CDK13: variants seen among roughly 807,000 people sequenced by gnomAD.
CDK13 encodes the protein cyclin dependent kinase 13, also known as cyclin-dependent kinase 13.
Under a neutral mutation model 137.6 loss-of-function variants are expected in CDK13, and 40 were observed. That is an observed-to-expected ratio of 0.29 (90% CI 0.23 to 0.38). The LOEUF is 0.38. CDK13 is among the 10% of genes least tolerant of loss of function. CDK13 has a pLI of 1.00. For synonymous variants in CDK13, 869 were observed against 760.1 expected (o/e 1.14, Z -2.36); for missense variants, 1,704 against 1,951.8 (o/e 0.87, Z 2.39).
intron 5 of CDK13, among the ~76,000 whole-genome samples, chr7:40,011,148 T>G (rs1046459024): frequency 2.0e-5 from 3 of 152,216 alleles, no homozygotes; most frequent in Non-Finnish European, 2.9e-5. Flanking sequence ...ATTCTGAGAT[T>G]CATATGCAAA....
intron 12 of CDK13, among the ~76,000 whole-genome samples, chr7:40,091,161 C>T (rs1189863948): frequency 1.3e-4 from 20 of 151,752 alleles, no homozygotes; most frequent in Admixed American, 1.1e-3. Context: ...CTGGCTAACA[C>T]GGTGAAATCC....
Position 39,987,712 on chromosome 7 carries a change from C to A in CDK13, c.1325C>A (p.Thr442Lys), listed in dbSNP as rs2116263500. Residue 442 changes from threonine to lysine, a missense_variant, in exon 2 of 14, where the codon ACA becomes AAA. Physicochemically the swap from Thr to Lys is moderately conservative, Grantham distance 78. Coordinates refer to ENST00000181839, the MANE Select transcript of CDK13 (RefSeq NM_003718.5). ...CGTCATTCTAGTATTTCTCCTAGCACACTAACTCTGAAGAGTAGCCTGGCA... is the reference window on the plus strand; with the variant it reads ...CGTCATTCTAGTATTTCTCCTAGCAAACTAACTCTGAAGAGTAGCCTGGCA... ...RSRHSSISPS[T>K]LTLKSSLAAE... 6.2e-7 allele frequency: 1 copy of A among 1,614,058 alleles called. No individual in the cohort carries two copies. The highest frequency in any genetic ancestry group is 8.5e-7 in the Non-Finnish European group (1 of 1,180,022).
chr7:40,042,477 C>CT lies in CDK13; in HGVS notation c.2354-3337dup, dbSNP rs5883713. 4.1e-3 allele frequency among the ~76,000 whole-genome samples: 309 copies of CT among 76,114 alleles called. 8 individuals are homozygous for CT. The highest frequency in any genetic ancestry group is 0.02 in the East Asian group (57 of 2,886). 49.9% of individuals were successfully genotyped at this position (76,114 alleles called of 152,430 possible). A position where few individuals can be genotyped will look rare whatever the true frequency, so the allele number is the denominator to read the frequency against. On this transcript the variant is annotated intron_variant, in intron 5 of 13. Transcript: ENST00000181839. ...TCCAGTTTGTCCTTTTCTTTTCTTT[C>CT]TTTTTTTTTTTTTTTTTTTTTTGAC... is the stretch of plus-strand genomic sequence containing the variant.
chr7:40,044,744 C>G (rs1686637293), intron 5 of CDK13, among the ~76,000 whole-genome samples: 1 of 152,192 alleles, frequency 6.6e-6, no homozygotes, highest in South Asian at 2.1e-4. Context: ...TCATGCCATT[C>G]TCCTGCCTCA....
chr7:39,951,698 C>G lies in CDK13; in HGVS notation c.1057C>G (p.Arg353Gly), dbSNP rs759568344. 1 of 1,466,072 alleles carries G rather than the reference C, an allele frequency of 6.8e-7. No homozygotes were observed. Among genetic ancestry groups the G allele is most frequent in the Admixed American group, 2.6e-5 (1 of 38,988 alleles). The allele number at this position is 1,466,072 out of a possible 1,614,324, so 90.8% of individuals were successfully genotyped here. ...AGGAGGTGGCAGCAGCCCCTATTCT[C>G]GGCGGCTGCCGCGCTCCCCGAGCCC... ...PAGGGSSPYS[R>G]RLPRSPSPYS... Residue 353 changes from arginine to glycine, a missense_variant, in exon 1 of 14, where the codon CGG (arginine) becomes GGG (glycine). Physicochemically the swap from Arg to Gly is moderately radical, Grantham distance 125 (BLOSUM62 -2). Transcript: ENST00000181839.
At chr7:40,041,842 GTTTTT>G (rs1173294601) in intron 5 of CDK13, among the ~76,000 whole-genome samples, 1 of 152,048 alleles carries the variant, frequency 6.6e-6, no homozygotes, top group Non-Finnish European at 1.5e-5. Flanking sequence ...ATATTGTTTT[GTTTTT>G]AAGTGTTTTA....
intron 5 of CDK13, among the ~76,000 whole-genome samples, chr7:40,013,773 CA>C (rs1784944901): frequency 6.6e-6 from 1 of 151,984 alleles, no homozygotes; most frequent in African/African-American, 2.4e-5. Context: ...AATTATATCT[CA>C]ATAAAGCTGT....
At chr7:40,072,087 A>G (rs140024115) in intron 9 of CDK13, 157 of 152,322 alleles carry the variant, frequency 1.0e-3, no homozygotes, top group African/African-American at 3.5e-3. Context: ...TACATACTCA[A>G]ATATCAGAAT....
chr7:40,070,201 C>G (rs1786383140), intron 9 of CDK13: 1 of 152,020 alleles, frequency 6.6e-6, no homozygotes, highest in African/African-American at 2.4e-5. Context: ...GATGGCGCCA[C>G]TGCACTCCAG....
chr7:39,972,392 A>C (rs540519818), intron 1 of CDK13, among the ~76,000 whole-genome samples: 1 of 152,298 alleles, frequency 6.6e-6, no homozygotes, highest in South Asian at 2.1e-4. Context: ...TAGTCTCTTC[A>C]TAGCTTTGTG....
intron 1 of CDK13, chr7:39,986,089 A>C (rs1418856463): frequency 1.3e-5 from 2 of 152,238 alleles, no homozygotes; most frequent in African/African-American, 4.8e-5. Flanking sequence ...GAGATAGGGC[A>C]GTTGTAGTAA....
At chr7:40,064,896 A>ATC (rs1786244418) in intron 9 of CDK13, among the ~76,000 whole-genome samples, 1 of 149,576 alleles carries the variant, frequency 6.7e-6, no homozygotes, top group Non-Finnish European at 1.5e-5. Context: ...GAGCCAAACA[A>ATC]TCCTCCTGCC....
intron 2 of CDK13, among the ~76,000 whole-genome samples, chr7:39,992,580 A>C (rs1253474949): frequency 1.3e-5 from 2 of 151,832 alleles, no homozygotes; most frequent in African/African-American, 2.4e-5. Context: ...TCACAGTATC[A>C]TTGTGATAAC....
At chr7:40,020,072 A>G (rs1785080494) in intron 5 of CDK13, among the ~76,000 whole-genome samples, 1 of 151,990 alleles carries the variant, frequency 6.6e-6, no homozygotes. Flanking sequence ...TTTCAACTTT[A>G]TTTTATTTTT....
chr7:39,961,203 A>G (rs1787609616), intron 1 of CDK13, among the ~76,000 whole-genome samples: 1 of 152,040 alleles, frequency 6.6e-6, no homozygotes, highest in Admixed American at 6.5e-5. Flanking sequence ...TACTAAAAAT[A>G]CAAAACATAG....
chr7:39,969,901 A>C (rs1783959169), intron 1 of CDK13, among the ~76,000 whole-genome samples: 1 of 152,182 alleles, frequency 6.6e-6, no homozygotes, highest in Non-Finnish European at 1.5e-5. Flanking sequence ...GATACAAATA[A>C]ATGTTTTGCA....
chr7:39,992,608 TTAATC>T (rs1259279059), intron 2 of CDK13, among the ~76,000 whole-genome samples: 1 of 151,836 alleles, frequency 6.6e-6, no homozygotes, highest in Non-Finnish European at 1.5e-5. Flanking sequence ...TCAACAGTAG[TTAATC>T]TAACAGAAAT....
At chr7:40,032,301 G>C (rs994826158) in intron 5 of CDK13, among the ~76,000 whole-genome samples, 2 of 152,158 alleles carry the variant, frequency 1.3e-5, no homozygotes, top group African/African-American at 4.8e-5. Flanking sequence ...GAACTCCTGG[G>C]TTCAAGCAAT....
At chr7:39,988,599 C>A (rs1784390909) in intron 2 of CDK13, among the ~76,000 whole-genome samples, 2 of 151,840 alleles carry the variant, frequency 1.3e-5, no homozygotes, top group South Asian at 4.2e-4. Context: ...ATAAGTTGGC[C>A]CTAGTTAATA....
Sources: gnomAD v4.1 joint callset for allele counts (sites outside exome capture counted in the v4.1 genomes callset) on GRCh38, gnomAD v4.1.1 for gene constraint, MANE v1.5 for transcripts, NCBI Gene and HGNC (gene_info 2026-07-23, HGNC 2026-07-21) for gene names.